DLG2: variants seen among roughly 807,000 people sequenced by gnomAD.
DLG2 encodes the protein discs large MAGUK scaffold protein 2, also known as disks large homolog 2.
A neutral mutation model predicts 132.5 loss-of-function variants in DLG2; 45 were observed. The observed-to-expected ratio is 0.34, with a 90% CI of 0.27 to 0.44. The LOEUF is 0.44. Ranked by LOEUF, DLG2 falls within the 20% of genes least tolerant of loss-of-function variation. The pLI, the probability that DLG2 is intolerant of heterozygous loss-of-function variation, is 1.00. For synonymous variants in DLG2, 424 were observed against 419.6 expected, an observed-to-expected ratio of 1.01 and a Z score of -0.13; for missense variants, 1,045 against 1,196.9, an observed-to-expected ratio of 0.87 and a Z score of 1.87.
chr11:84,674,504 CTCCCA>C (rs2099709262), intron 6 of DLG2, among the ~76,000 whole-genome samples: 1 of 152,088 alleles, frequency 6.6e-6, no homozygotes, highest in Admixed American at 6.6e-5. Flanking sequence ...CTTCTTCAAT[CTCCCA>C]TTCAAACCTT....
chr11:84,999,280 A>G (rs1376536200), intron 6 of DLG2, among the ~76,000 whole-genome samples: 1 of 152,142 alleles, frequency 6.6e-6, no homozygotes, highest in African/African-American at 2.4e-5. Context: ...TAGAAATCCT[A>G]AGAAATATTT....
chr11:84,904,134 C>T (rs2091240707), intron 6 of DLG2, among the ~76,000 whole-genome samples: 1 of 151,816 alleles, frequency 6.6e-6, no homozygotes. Flanking sequence ...CATCATATAC[C>T]CTTGATAAGA....
At chr11:83,685,489 G>T (rs1260437392) in intron 18 of DLG2, among the ~76,000 whole-genome samples, 6 of 152,036 alleles carry the variant, frequency 3.9e-5, no homozygotes, top group African/African-American at 1.2e-4. Flanking sequence ...GTCTCTGTTT[G>T]GTTATCAAGA....
Position 83,817,747 on chromosome 11 carries a change from A to T in DLG2, c.1722+15867T>A, listed in dbSNP as rs551808060. ...AAAAATTAGCTGTGTATGGTGATGC[A>T]TGTTCATAGTCCTAGCTATTTGAGA... On this transcript the variant is annotated intron_variant, in intron 17 of 27. Transcript: ENST00000376104. Among the ~76,000 whole-genome samples the T allele has an allele frequency of 7.2e-5, 11 of 152,160 alleles. No homozygotes were observed. The East Asian group carries it at 1.4e-3, about 19-fold the overall frequency.
chr11:84,264,374 A>G (rs1338067841), intron 7 of DLG2, among the ~76,000 whole-genome samples: 1 of 152,116 alleles, frequency 6.6e-6, no homozygotes, highest in Non-Finnish European at 1.5e-5. Flanking sequence ...TTCTTACTTT[A>G]AATTATTCTA....
chr11:84,670,730 G>C (rs2153691864), intron 6 of DLG2, among the ~76,000 whole-genome samples: 1 of 152,238 alleles, frequency 6.6e-6, no homozygotes, highest in Non-Finnish European at 1.5e-5. Context: ...TGAGTGGGTA[G>C]AGCCAAGATT....
chr11:84,063,050 T>C (rs977531744), intron 10 of DLG2, among the ~76,000 whole-genome samples: 3 of 152,138 alleles, frequency 2.0e-5, no homozygotes, highest in Non-Finnish European at 4.4e-5. Context: ...CTGAGGGACA[T>C]TGTTTTATGA....
At chr11:85,481,665 A>C (rs1471610983) in intron 3 of DLG2, among the ~76,000 whole-genome samples, 2 of 152,040 alleles carry the variant, frequency 1.3e-5, no homozygotes, top group African/African-American at 4.8e-5. Flanking sequence ...CTGCCCCATG[A>C]CCAGGCTGAC....
At chr11:84,023,500 T>G (rs1289898993) in intron 11 of DLG2, among the ~76,000 whole-genome samples, 4 of 152,174 alleles carry the variant, frequency 2.6e-5, no homozygotes, top group Non-Finnish European at 4.4e-5. Context: ...CTAGATTTAC[T>G]TGGCTTCACA....
chr11:85,385,721 CT>C (rs1478941797), intron 3 of DLG2, among the ~76,000 whole-genome samples: 1 of 152,146 alleles, frequency 6.6e-6, no homozygotes, highest in African/African-American at 2.4e-5. Flanking sequence ...TTTTCCTCCC[CT>C]GAGGCCAGAA....
chr11:84,780,510 T>C (rs1044174116), intron 6 of DLG2, among the ~76,000 whole-genome samples: 2 of 152,148 alleles, frequency 1.3e-5, no homozygotes, highest in African/African-American at 4.8e-5. Flanking sequence ...GGTAAGTTTA[T>C]GTTTAACTTT....
Position 85,554,869 on chromosome 11 carries a change from G to C in DLG2, c.40+43788C>G, listed in dbSNP as rs1446893397. Among the ~76,000 whole-genome samples the C allele has an allele frequency of 2.0e-5, 3 of 151,576 alleles. 1 individual carries two copies. In the South Asian group the frequency reaches 6.3e-4, roughly 32 times the overall value. Reference sequence around the variant, plus strand: ...CAACTGACTGACTCTACCTGGACCTGTGAATCATGGCTCAACCAGTCCCAT... The same window carrying C: ...CAACTGACTGACTCTACCTGGACCTCTGAATCATGGCTCAACCAGTCCCAT... On this transcript the variant is annotated intron_variant, in intron 3 of 27. Transcript: ENST00000376104.
rs78388016 is a variant in DLG2 at position 84,871,762 on chromosome 11, G to A, written c.357+239899C>T. 6.2e-3 allele frequency among the ~76,000 whole-genome samples: 938 copies of A among 151,482 alleles called. 4 individuals are homozygous for A. The highest frequency in any genetic ancestry group is 0.01 in the Non-Finnish European group (697 of 67,940). On this transcript the variant is annotated intron_variant, in intron 6 of 27. Transcript: ENST00000376104. ...TTAATGAGACAGAGTCTCCTCTATC[G>A]CCCAGCCTGGAGTGCAGTACCACGA...
chr11:84,599,609 A>G (rs982171657), intron 6 of DLG2, among the ~76,000 whole-genome samples: 1 of 152,208 alleles, frequency 6.6e-6, no homozygotes, highest in African/African-American at 2.4e-5. Flanking sequence ...TTACACCTAC[A>G]GGCTTAAGCC....
At chr11:83,787,377 AG>A (rs1417408765) in intron 17 of DLG2, among the ~76,000 whole-genome samples, 2 of 131,662 alleles carry the variant, frequency 1.5e-5, no homozygotes, top group Non-Finnish European at 3.1e-5. Context: ...GCTGGAGTGC[AG>A]TGACGCGATC....
intron 6 of DLG2, among the ~76,000 whole-genome samples, chr11:84,626,316 T>A (rs1011188459): frequency 2.6e-5 from 4 of 152,162 alleles, no homozygotes; most frequent in Admixed American, 6.5e-5. Context: ...ATGATTCCTC[T>A]TTACTTCAAG....
chr11:84,714,654 TCTCTCTCTCTCTCTCTCTCTGC>T (rs2060992950), intron 6 of DLG2, among the ~76,000 whole-genome samples: 1 of 145,776 alleles, frequency 6.9e-6, no homozygotes, highest in African/African-American at 2.6e-5. Flanking sequence ...TCTTTCTCTC[TCTCTCTCTCTCTCTCTCTCTGC>T]CTCCCCGCCC....
chr11:84,066,517 C>T (rs563703240), intron 10 of DLG2, among the ~76,000 whole-genome samples: 7 of 152,166 alleles, frequency 4.6e-5, no homozygotes, highest in Admixed American at 3.3e-4. Flanking sequence ...CCCAGCACTT[C>T]GGGAGGCTGA....
intron 7 of DLG2, among the ~76,000 whole-genome samples, chr11:84,324,778 A>G (rs2098422358): frequency 2.0e-5 from 3 of 152,096 alleles, no homozygotes; most frequent in African/African-American, 7.2e-5. Flanking sequence ...TCTTTTTGAT[A>G]GTATTGTAAA....
Sources: gnomAD v4.1 joint callset for allele counts (sites outside exome capture counted in the v4.1 genomes callset) on GRCh38, gnomAD v4.1.1 for gene constraint, MANE v1.5 for transcripts, NCBI Gene and HGNC (gene_info 2026-07-23, HGNC 2026-07-21) for gene names.